The following PROK1 variants were observed in gnomAD, a reference collection of about 807,000 sequenced individuals.
The protein encoded by PROK1 is prokineticin 1.
PROK1 carries 10 observed loss-of-function variants against 8.8 expected under a neutral mutation model. The observed-to-expected ratio is 1.13, with a 90% CI of 0.70 to 1.92. The LOEUF is 1.92. Among genes scored for constraint, PROK1 ranks in the 30% most tolerant of loss-of-function variants. PROK1 has a pLI of 0.00. For synonymous variants in PROK1, 57 were observed against 56.0 expected (o/e 1.02, Z -0.08); for missense variants, 140 against 139.7 (o/e 1.00, Z -0.01).
intron 1 of PROK1, 78 bp from the exon 2 acceptor site, chr1:110,453,883 G>A (rs1478030089): frequency 6.3e-7 from 1 of 1,594,444 alleles, no homozygotes; most frequent in Non-Finnish European, 8.6e-7. Flanking sequence ...CCTGATAAGG[G>A]CTTTTTGGAT....
chr1:110,455,106 C>T (rs1050414209), intron 2 of PROK1, among the ~76,000 whole-genome samples: 1 of 152,244 alleles, frequency 6.6e-6, no homozygotes, highest in Non-Finnish European at 1.5e-5. Flanking sequence ...ATTCCCACAG[C>T]TTTTTCATTA....
intron 2 of PROK1, 133 bp downstream of exon 2, chr1:110,454,219 G>A: frequency 8.1e-7 from 1 of 1,229,606 alleles, no homozygotes; most frequent in Non-Finnish European, 1.1e-6. Flanking sequence ...TAGGGAGGCT[G>A]TGGCTCCAGA....
rs1199225204 is a variant in PROK1 at position 110,456,671 on chromosome 1, C to G, written c.*320C>G. 2.5e-6 allele frequency: 1 copy of G among 399,448 alleles called. No individual in the cohort carries two copies. Among genetic ancestry groups the G allele is most frequent in the Non-Finnish European group, 4.8e-6 (1 of 209,814 alleles). 24.7% of individuals were successfully genotyped at this position (399,448 alleles called of 1,614,324 possible). ...CCCTCCCCTCCCCAGGTGACCTGCT[C>G]TCTTTCCTGGGCCCTGCCCCTCTCC... On this transcript the variant is annotated 3_prime_UTR_variant, in exon 3 of 3. Transcript: ENST00000271331.
intron 2 of PROK1, among the ~76,000 whole-genome samples, chr1:110,454,396 C>T (rs148033655): frequency 6.6e-6 from 1 of 152,362 alleles, no homozygotes; most frequent in East Asian, 1.9e-4. Flanking sequence ...CAGGGCCTGA[C>T]ATAATTCATC....
At position 110,456,684 on chromosome 1, in the gene PROK1, C is replaced by T. The variant is rs1664179461; in HGVS notation, c.*333C>T. 8.5e-5 allele frequency: 33 copies of T among 388,194 alleles called. 1 individual carries two copies. The highest frequency in any genetic ancestry group is 6.8e-4 in the South Asian group (32 of 47,184). The allele number at this position is 388,194 out of a possible 1,614,324, so 24.0% of individuals were successfully genotyped here. On this transcript the variant is annotated 3_prime_UTR_variant, in exon 3 of 3. Coordinates refer to ENST00000271331, the MANE Select transcript of PROK1 (RefSeq NM_032414.3). The stretch of plus-strand genomic sequence containing the variant: ...AGGTGACCTGCTCTCTTTCCTGGGC[C>T]CTGCCCCTCTCCCCACATGTATCCC...
In PROK1 at chr1:110,456,508, A is replaced by T; in HGVS notation, c.*157A>T. 1.1e-6 allele frequency: 1 copy of T among 912,068 alleles called. No homozygotes were observed. Among genetic ancestry groups the T allele is most frequent in the Non-Finnish European group, 1.7e-6 (1 of 579,880 alleles). The allele number at this position is 912,068 out of a possible 1,614,324, so 56.5% of individuals were successfully genotyped here. On this transcript the variant is annotated 3_prime_UTR_variant, in exon 3 of 3. Coordinates refer to ENST00000271331, the MANE Select transcript of PROK1 (RefSeq NM_032414.3). ...TACGCACATATGCACACAGGCAGAC[A>T]TACCTCCCATCATGACATGGTCCCC...
At position 110,454,227 on chromosome 1, in the gene PROK1, A is replaced by G. The variant is rs969545869; in HGVS notation, c.198+141A>G. Reference sequence around the variant, plus strand: ...GGCAGTCTAGGGAGGCTGTGGCTCCAGAGGACTTCACCCTCCTCTGATAGC... The same window carrying G: ...GGCAGTCTAGGGAGGCTGTGGCTCCGGAGGACTTCACCCTCCTCTGATAGC... On this transcript the variant is annotated intron_variant, in intron 2 of 2. Coordinates refer to ENST00000271331, the MANE Select transcript of PROK1 (RefSeq NM_032414.3). 5 of 1,123,484 alleles carry G rather than the reference A, an allele frequency of 4.5e-6. No homozygotes were observed. In the Admixed American group the frequency reaches 1.0e-4, roughly 23 times the overall value. The allele number at this position is 1,123,484 out of a possible 1,614,324, so 69.6% of individuals were successfully genotyped here.
At position 110,456,318 on chromosome 1, in the gene PROK1, C is replaced by G. The variant is rs1664172138; in HGVS notation, c.285C>G (p.Arg95=). 2 of 1,614,128 alleles carry G rather than the reference C, an allele frequency of 1.2e-6. No homozygotes were observed. Among genetic ancestry groups the G allele is most frequent in the Middle Eastern group, 1.6e-4 (1 of 6,062 alleles). Reference sequence around the variant, plus strand: ...CCAGGTTCCCGGACGGCAGGTACCGCTGCTCCATGGACTTGAAGAACATCA... The same window carrying G: ...CCAGGTTCCCGGACGGCAGGTACCGGTGCTCCATGGACTTGAAGAACATCA... ...LCSRFPDGRY[R]CSMDLKNINF Residue 95 remains arginine, a synonymous_variant, in exon 3 of 3, where the codon CGC becomes CGG. Transcript: ENST00000271331.
intron 1 of PROK1, among the ~76,000 whole-genome samples, chr1:110,453,478 G>A (rs534621820): frequency 2.6e-4 from 39 of 152,140 alleles, no homozygotes; most frequent in Non-Finnish European, 4.9e-4. Context: ...CAGGATGGGG[G>A]TGCCTCCATG....
intron 2 of PROK1, among the ~76,000 whole-genome samples, chr1:110,455,238 G>A (rs1664153337): frequency 6.6e-6 from 1 of 152,194 alleles, no homozygotes; most frequent in Non-Finnish European, 1.5e-5. Context: ...CTCCCTACAT[G>A]TACCCCTCTG....
chr1:110,456,214 G>A lies in PROK1; in HGVS notation c.199-18G>A. On this transcript the variant is annotated intron_variant, in intron 2 of 2. Transcript: ENST00000271331. ...CCTACCTCCCTTTGGTGAAGGTGTT[G>A]ATTTCTTCTCTCCTTAGGTCCCCTT... The A allele has an allele frequency of 6.2e-7, 1 of 1,609,886 alleles. No individual in the cohort carries two copies. The highest frequency in any genetic ancestry group is 2.2e-5 in the East Asian group (1 of 44,878).
At chr1:110,456,137 G>T in intron 2 of PROK1, 95 bp from the exon 3 acceptor site, 1 of 1,377,410 alleles carries the variant, frequency 7.3e-7, no homozygotes, top group East Asian at 2.3e-5. Context: ...GGGTGTGGGG[G>T]TGAGACTTTT....
intron 2 of PROK1, among the ~76,000 whole-genome samples, chr1:110,455,971 G>A (rs1183114765): frequency 6.6e-6 from 1 of 152,224 alleles, no homozygotes; most frequent in Non-Finnish European, 1.5e-5. Context: ...GCACATGTGT[G>A]CTGAGTCTCC....
chr1:110,455,925 A>G (rs954829297), intron 2 of PROK1, among the ~76,000 whole-genome samples: 4 of 152,078 alleles, frequency 2.6e-5, no homozygotes, highest in Non-Finnish European at 4.4e-5. Flanking sequence ...CATTCAATCA[A>G]TGGACATGTG....
chr1:110,454,374 C>T (rs1233694181), intron 2 of PROK1, among the ~76,000 whole-genome samples: 1 of 152,228 alleles, frequency 6.6e-6, no homozygotes, highest in Non-Finnish European at 1.5e-5. Context: ...CACATTTGTA[C>T]ATTTATTTGT....
At chr1:110,451,883 A>C (rs1664092610) in intron 1 of PROK1, among the ~76,000 whole-genome samples, 1 of 151,536 alleles carries the variant, frequency 6.6e-6, no homozygotes, top group Admixed American at 6.6e-5. Context: ...TGTACCCCAA[A>C]GCAAGCATCC....
Position 110,453,970 on chromosome 1 carries a change from C to T in PROK1, c.82C>T (p.Arg28Trp), listed in dbSNP as rs149887149. 81 of 1,614,194 alleles carry T rather than the reference C, an allele frequency of 5.0e-5. No homozygotes were observed. Among genetic ancestry groups the T allele is most frequent in the Middle Eastern group, 3.3e-4 (2 of 6,062 alleles). ...TCTCTCCCTCCTACAGGCCTGTGAGCGGGATGTCCAGTGTGGGGCAGGCAC... is the reference window on the plus strand; with the variant it reads ...TCTCTCCCTCCTACAGGCCTGTGAGTGGGATGTCCAGTGTGGGGCAGGCAC... ...DCAVITGACE[R>W]DVQCGAGTCC... is the part of the protein sequence containing the mutation. The change falls in exon 2 of 3, where the codon CGG (arginine) becomes TGG (tryptophan). Residue 28 changes from arginine to tryptophan, a missense_variant. By Grantham distance (101) the Arg-to-Trp change is moderately radical (BLOSUM62 -3). Coordinates refer to ENST00000271331, the MANE Select transcript of PROK1 (RefSeq NM_032414.3).
chr1:110,454,061 A>G lies in PROK1; in HGVS notation c.173A>G (p.Glu58Gly). 1 of 1,613,816 alleles carries G rather than the reference A, an allele frequency of 6.2e-7. No individual in the cohort carries two copies. Among genetic ancestry groups the G allele is most frequent in the South Asian group, 1.1e-5 (1 of 91,066 alleles). ...RMCTPLGREG[E>G]ECHPGSHKVP... Reference sequence around the variant, plus strand: ...TGCACCCCGCTGGGGCGGGAAGGCGAGGAGTGCCACCCCGGCAGCCACAAG... The same window carrying G: ...TGCACCCCGCTGGGGCGGGAAGGCGGGGAGTGCCACCCCGGCAGCCACAAG... Residue 58 changes from glutamate to glycine, a missense_variant, in exon 2 of 3, where the codon GAG becomes GGG. Transcript: ENST00000271331.
intron 1 of PROK1, among the ~76,000 whole-genome samples, chr1:110,452,237 A>G (rs1021233634): frequency 3.3e-5 from 5 of 152,268 alleles, no homozygotes; most frequent in East Asian, 1.9e-4. Flanking sequence ...GGTTAATTTT[A>G]CCATTCACAG....
Sources: gnomAD v4.1 joint callset for allele counts (sites outside exome capture counted in the v4.1 genomes callset) on GRCh38, gnomAD v4.1.1 for gene constraint, MANE v1.5 for transcripts, NCBI Gene and HGNC (gene_info 2026-07-23, HGNC 2026-07-21) for gene names.